Variants in SPATS1 observed in about 807,000 individuals in gnomAD.
The protein encoded by SPATS1 is spermatogenesis-associated serine-rich protein 1.
In SPATS1, 23 loss-of-function variants were observed where a neutral mutation model predicts 33.6. The observed-to-expected ratio is 0.68, with a 90% CI of 0.49 to 0.97. The LOEUF (loss-of-function observed/expected upper bound fraction) is 0.97. SPATS1 is among the 50% of genes least tolerant of loss of function. SPATS1 has a pLI of 0.00. For missense variants in SPATS1, 327 were observed against 361.0 expected, an observed-to-expected ratio of 0.91 and a Z score of 0.76; for synonymous variants, 131 against 125.6, an observed-to-expected ratio of 1.04 and a Z score of -0.29.
intron 2 of SPATS1, among the ~76,000 whole-genome samples, chr6:44,345,239 C>G (rs955933028): frequency 6.6e-6 from 1 of 152,080 alleles, no homozygotes; most frequent in African/African-American, 2.4e-5. Flanking sequence ...TTGAGTTACT[C>G]TCAGGAAGAT....
At chr6:44,358,515 T>G (rs935820559) in intron 3 of SPATS1, among the ~76,000 whole-genome samples, 2 of 152,238 alleles carry the variant, frequency 1.3e-5, no homozygotes, top group Non-Finnish European at 2.9e-5. Context: ...TTTAATGGTT[T>G]TATTAAACAT....
At chr6:44,369,105 C>G (rs993850188) in intron 6 of SPATS1, among the ~76,000 whole-genome samples, 1 of 151,946 alleles carries the variant, frequency 6.6e-6, no homozygotes, top group Non-Finnish European at 1.5e-5. Flanking sequence ...ACCATGTTAG[C>G]CAGGATGGTC....
chr6:44,360,927 CG>C (rs925466537), intron 4 of SPATS1, among the ~76,000 whole-genome samples: 3 of 151,922 alleles, frequency 2.0e-5, no homozygotes, highest in African/African-American at 7.3e-5. Context: ...TATACATACA[CG>C]TGTACATATA....
chr6:44,361,556 C>G (rs1788921776), intron 4 of SPATS1: 1 of 982,400 alleles, frequency 1.0e-6, no homozygotes, highest in Non-Finnish European at 1.2e-6. Context: ...ACTTAACTTC[C>G]AAACATAAAG....
Position 44,377,263 on chromosome 6 carries a change from A to G in SPATS1, c.*200A>G. 1 of 611,130 alleles carries G rather than the reference A, an allele frequency of 1.6e-6. No individual in the cohort carries two copies. Among genetic ancestry groups the G allele is most frequent in the Non-Finnish European group, 2.9e-6 (1 of 344,770 alleles). The allele number at this position is 611,130 out of a possible 1,614,324, so 37.9% of individuals were successfully genotyped here. A position where few individuals can be genotyped will look rare whatever the true frequency, so the allele number is the denominator to read the frequency against. ...CAAGAATTGTACAACAAACACCTGC[A>G]TATCCTTCACATAGATTCTATCATT... On this transcript the variant is annotated 3_prime_UTR_variant, in exon 9 of 9. Transcript: ENST00000674044.
intron 8 of SPATS1, 84 bp from the exon 9 acceptor site, chr6:44,376,951 A>ATTG (rs1790001018): frequency 5.3e-6 from 8 of 1,521,888 alleles, no homozygotes; most frequent in African/African-American, 1.4e-5. Flanking sequence ...TGTCATAGCC[A>ATTG]AGCATTGGGG....
rs1790013031 is a variant in SPATS1, at chr6:44,377,125, T to A, written c.*62T>A. 1 of 1,594,282 alleles carries A rather than the reference T, an allele frequency of 6.3e-7. No individual in the cohort carries two copies. On this transcript the variant is annotated 3_prime_UTR_variant, in exon 9 of 9. Coordinates refer to ENST00000674044, the MANE Select transcript of SPATS1 (RefSeq NM_001372081.1). ...TCTGGCGACCCTTTTCCAGTTGATG[T>A]TTTTTGTCATGTGACTGTTCTAAAT...
At chr6:44,354,990 T>A (rs1173185176) in intron 3 of SPATS1, among the ~76,000 whole-genome samples, 1 of 152,122 alleles carries the variant, frequency 6.6e-6, no homozygotes, top group African/African-American at 2.4e-5. Context: ...AATTTGTAAA[T>A]GTATTTTTTT....
intron 2 of SPATS1, among the ~76,000 whole-genome samples, chr6:44,347,845 T>A (rs1787992283): frequency 6.6e-6 from 1 of 152,188 alleles, no homozygotes; most frequent in Non-Finnish European, 1.5e-5. Flanking sequence ...GTCAGTACTG[T>A]CTTGATTATT....
In SPATS1 at chr6:44,378,437, TGTC is replaced by T. The variant is rs909337243; in HGVS notation, c.*1375_*1377del. The T allele has an allele frequency of 1.6e-4, 25 of 152,290 alleles. No homozygotes were observed. The highest frequency in any genetic ancestry group is 6.0e-4 in the African/African-American group (25 of 41,560). The allele number at this position is 152,290 out of a possible 1,614,324, so 9.4% of individuals were successfully genotyped here. On this transcript the variant is annotated 3_prime_UTR_variant, in exon 9 of 9. Coordinates refer to ENST00000674044, the MANE Select transcript of SPATS1 (RefSeq NM_001372081.1). Reference sequence around the variant, plus strand: ...ATGATTTATTTCCCAAAATGTTTGTTGTCTCCAGTCACAGCCAAAGTGAATGAA... The same window carrying T: ...ATGATTTATTTCCCAAAATGTTTGTTTCCAGTCACAGCCAAAGTGAATGAA...
intron 2 of SPATS1, among the ~76,000 whole-genome samples, chr6:44,344,747 A>G (rs1044260023): frequency 4.6e-5 from 7 of 152,192 alleles, no homozygotes; most frequent in African/African-American, 1.7e-4. Flanking sequence ...GGCAATAAAG[A>G]AACAGACTTT....
chr6:44,352,970 T>A (rs1049528068), intron 3 of SPATS1, 97 bp downstream of exon 3: 43 of 1,338,902 alleles, frequency 3.2e-5, no homozygotes, highest in Non-Finnish European at 4.2e-5. Context: ...GGCAAGAGCA[T>A]GGATTCTGGA....
intron 2 of SPATS1, chr6:44,343,692 C>T: frequency 2.9e-6 from 1 of 345,524 alleles, no homozygotes; most frequent in Non-Finnish European, 5.7e-6. Context: ...ATTATGAACA[C>T]TCTAAAAATT....
chr6:44,351,497 A>G lies in SPATS1; in HGVS notation c.140-1229A>G, dbSNP rs568428379. On this transcript the variant is annotated intron_variant, in intron 2 of 8. Coordinates refer to ENST00000674044, the MANE Select transcript of SPATS1 (RefSeq NM_001372081.1). ...TCAGAGTTTGACTCTTATTTCTTACAATTTTCTCATAACCAGAGGTTACAT... is the reference window on the plus strand; with the variant it reads ...TCAGAGTTTGACTCTTATTTCTTACGATTTTCTCATAACCAGAGGTTACAT... Among the ~76,000 whole-genome samples, 22 of 152,354 alleles carry G rather than the reference A, an allele frequency of 1.4e-4. No homozygotes were observed. The South Asian group carries it at 1.4e-3, about 10-fold the overall frequency.
intron 7 of SPATS1, among the ~76,000 whole-genome samples, chr6:44,375,696 G>C (rs185876871): frequency 6.6e-6 from 1 of 152,296 alleles, no homozygotes; most frequent in Non-Finnish European, 1.5e-5. Flanking sequence ...TGTAGTCCCA[G>C]CTACTTGGGA....
At chr6:44,361,744 C>T in intron 4 of SPATS1, 87 bp from the exon 5 acceptor site, 1 of 1,528,994 alleles carries the variant, frequency 6.5e-7, no homozygotes, top group Non-Finnish European at 9.0e-7. Context: ...CCAGATAGTG[C>T]CTGTGGAGTT....
chr6:44,342,797 GGGCCTCCCCTGGGGAAGGGGGT>G, intron 1 of SPATS1, 29 bp downstream of exon 1: 1 of 639,192 alleles, frequency 1.6e-6, no homozygotes, highest in Non-Finnish European at 2.6e-6. Flanking sequence ...GCACAGACCC[GGGCCTCCCCTGGGGAAGGGGGT>G]GGGAAGACCC....
chr6:44,368,606 A>G (rs1789389916), intron 6 of SPATS1, 107 bp downstream of exon 6: 12 of 1,079,522 alleles, frequency 1.1e-5, no homozygotes, highest in African/African-American at 1.6e-5. Flanking sequence ...ACAAGATGTG[A>G]TTGGATGAAA....
At chr6:44,358,185 A>T (rs1441031693) in intron 3 of SPATS1, among the ~76,000 whole-genome samples, 1 of 152,204 alleles carries the variant, frequency 6.6e-6, no homozygotes, top group East Asian at 1.9e-4. Flanking sequence ...GTAGGGAGCA[A>T]ACAAGACAAG....
Sources: gnomAD v4.1 joint callset for allele counts (sites outside exome capture counted in the v4.1 genomes callset) on GRCh38, gnomAD v4.1.1 for gene constraint, MANE v1.5 for transcripts, NCBI Gene and HGNC (gene_info 2026-07-23, HGNC 2026-07-21) for gene names.